The following PAX5 variants were observed in gnomAD, a reference collection of about 807,000 sequenced individuals.
PAX5 encodes the protein paired box protein Pax-5.
Under a neutral mutation model 43.7 loss-of-function variants are expected in PAX5, and 9 were observed. The observed-to-expected ratio is 0.21, with a 90% confidence interval of 0.12 to 0.36. The LOEUF is 0.36. Ranked by LOEUF, PAX5 falls within the 10% of genes least tolerant of loss-of-function variation. PAX5 has a pLI of 1.00. For synonymous variants in PAX5, 228 were observed against 214.3 expected, an observed-to-expected ratio of 1.06 and a Z score of -0.56; for missense variants, 383 against 532.7, an observed-to-expected ratio of 0.72 and a Z score of 2.77.
intron 7 of PAX5, among the ~76,000 whole-genome samples, chr9:36,886,304 C>T (rs1826903325): frequency 6.6e-6 from 1 of 152,238 alleles, no homozygotes; most frequent in African/African-American, 2.4e-5. Flanking sequence ...CTGTTCTCTA[C>T]TTAAAAGCTT....
At chr9:36,843,862 C>T (rs1036376142) in intron 9 of PAX5, among the ~76,000 whole-genome samples, 3 of 152,180 alleles carry the variant, frequency 2.0e-5, no homozygotes, top group African/African-American at 2.4e-5. Flanking sequence ...GCTTCTGGTG[C>T]CCAGTTCCAA....
intron 8 of PAX5, among the ~76,000 whole-genome samples, chr9:36,858,853 C>T (rs1434523693): frequency 6.6e-6 from 1 of 152,192 alleles, no homozygotes; most frequent in Non-Finnish European, 1.5e-5. Context: ...CCTGGCTCTG[C>T]TGGGCTCAGC....
Position 36,929,173 on chromosome 9 carries a change from G to T in PAX5, c.781-5689C>A, listed in dbSNP as rs565149617. Among the ~76,000 whole-genome samples, 10 of 151,978 alleles carry T rather than the reference G, an allele frequency of 6.6e-5. No individual in the cohort carries two copies. In the East Asian group the frequency reaches 1.9e-3, roughly 29 times the overall value. On this transcript the variant is annotated intron_variant, in intron 6 of 9. Coordinates refer to ENST00000358127, the MANE Select transcript of PAX5 (RefSeq NM_016734.3). The stretch of plus-strand genomic sequence containing the variant: ...CCTCAAGTTCTTTGTGAAAGTGAAG[G>T]CTGGGAAAGGTGAACTGACAGAAAA...
chr9:36,835,673 C>T lies in PAX5; in HGVS notation c.*4887G>A, dbSNP rs748421686. ...TACCTTTTAAGAAATGTACTTGCCT[C>T]GGACCTCTCCGAGGCCAAAAGAACG... On this transcript the variant is annotated 3_prime_UTR_variant, in exon 10 of 10. Coordinates refer to ENST00000358127, the MANE Select transcript of PAX5 (RefSeq NM_016734.3). 6 of 233,180 alleles carry T rather than the reference C, an allele frequency of 2.6e-5. No individual in the cohort carries two copies. Among genetic ancestry groups the T allele is most frequent in the Non-Finnish European group, 5.1e-5 (6 of 118,064 alleles). The allele number at this position is 233,180 out of a possible 1,614,324, so 14.4% of individuals were successfully genotyped here.
intron 8 of PAX5, among the ~76,000 whole-genome samples, chr9:36,864,588 C>A (rs1824633930): frequency 6.6e-6 from 1 of 152,250 alleles, no homozygotes; most frequent in African/African-American, 2.4e-5. Context: ...TCCACCCTCA[C>A]CTGCCCCCAT....
At chr9:37,018,570 C>CAAAAAAAAAAAAAAAAA (rs1222049885) in intron 2 of PAX5, among the ~76,000 whole-genome samples, 2 of 71,004 alleles carry the variant, frequency 2.8e-5, no homozygotes, top group African/African-American at 4.3e-5. Flanking sequence ...CTTCAGTGAC[C>CAAAAAAAAAAAAAAAAA]AAAAAAAAAA....
chr9:36,963,054 G>A (rs1002826285), intron 6 of PAX5, among the ~76,000 whole-genome samples: 1 of 152,216 alleles, frequency 6.6e-6, no homozygotes. Flanking sequence ...ATTGGGAATC[G>A]GGCACGAGGG....
intron 7 of PAX5, among the ~76,000 whole-genome samples, chr9:36,911,769 C>T (rs565014817): frequency 6.6e-6 from 1 of 152,210 alleles, no homozygotes; most frequent in Admixed American, 6.5e-5. Context: ...TGCCTGGCAC[C>T]CCGCCAGAGG....
chr9:37,024,975 C>T (rs925859362), intron 1 of PAX5, among the ~76,000 whole-genome samples: 9 of 152,354 alleles, frequency 5.9e-5, no homozygotes, highest in East Asian at 5.8e-4. Context: ...GGCTTGCTCA[C>T]CTCTCAGAGC....
intron 6 of PAX5, among the ~76,000 whole-genome samples, chr9:36,959,136 G>A (rs925588254): frequency 2.0e-5 from 3 of 152,182 alleles, no homozygotes; most frequent in African/African-American, 7.2e-5. Context: ...GCCCCTTCCG[G>A]TGCTTCAGTG....
chr9:36,837,695 T>A lies in PAX5; in HGVS notation c.*2865A>T, dbSNP rs941981385. 29 of 233,258 alleles carry A rather than the reference T, an allele frequency of 1.2e-4. No homozygotes were observed. The highest frequency in any genetic ancestry group is 6.0e-4 in the African/African-American group (27 of 45,360). The allele number at this position is 233,258 out of a possible 1,614,324, so 14.4% of individuals were successfully genotyped here. A position where few individuals can be genotyped will look rare whatever the true frequency, so the allele number is the denominator to read the frequency against. ...ATCCATGTGCGCTTGTGCTTCCGCC[T>A]GGCAGCCCAGGAGTCAAGTGGTTGT... On this transcript the variant is annotated 3_prime_UTR_variant, in exon 10 of 10. Coordinates refer to ENST00000358127, the MANE Select transcript of PAX5 (RefSeq NM_016734.3).
chr9:37,022,243 G>C (rs1839914861), intron 1 of PAX5, among the ~76,000 whole-genome samples: 1 of 152,176 alleles, frequency 6.6e-6, no homozygotes, highest in Non-Finnish European at 1.5e-5. Flanking sequence ...TTTTCAAAAT[G>C]ATCTTTATTC....
chr9:37,027,404 G>A (rs1323992377), intron 1 of PAX5, among the ~76,000 whole-genome samples: 1 of 152,206 alleles, frequency 6.6e-6, no homozygotes, highest in Non-Finnish European at 1.5e-5. Flanking sequence ...TCTACCTCGT[G>A]CCAACCAACT....
rs7852624 is a variant in PAX5 at position 37,003,078 on chromosome 9, A to G, written c.476-302T>C. 0.23 allele frequency among the ~76,000 whole-genome samples: 33,769 copies of G among 149,384 alleles called. 3,906 individuals carry two copies. Among genetic ancestry groups the G allele is most frequent in the Admixed American group, 0.26 (3,865 of 14,862 alleles). ...CAGGAAGGGCTTTCGCTTAAATTCCAGCCTATCCATGGATGCAGGAAGCAG... is the reference window on the plus strand; with the variant it reads ...CAGGAAGGGCTTTCGCTTAAATTCCGGCCTATCCATGGATGCAGGAAGCAG... On this transcript the variant is annotated intron_variant, in intron 4 of 9. Transcript: ENST00000358127.
intron 9 of PAX5, among the ~76,000 whole-genome samples, chr9:36,842,031 C>G (rs1030767025): frequency 4.6e-5 from 7 of 152,158 alleles, no homozygotes; most frequent in Non-Finnish European, 2.9e-5. Flanking sequence ...ATGTGCTGCT[C>G]CCTCCCCATC....
intron 6 of PAX5, among the ~76,000 whole-genome samples, chr9:36,939,473 A>G (rs1257754604): frequency 3.9e-5 from 6 of 152,158 alleles, no homozygotes; most frequent in Non-Finnish European, 7.3e-5. Flanking sequence ...GTCTCTTTCC[A>G]GCCTCCTAAA....
At chr9:36,989,203 C>T (rs1836721131) in intron 5 of PAX5, among the ~76,000 whole-genome samples, 1 of 152,204 alleles carries the variant, frequency 6.6e-6, no homozygotes, top group South Asian at 2.1e-4. Flanking sequence ...AATGGGGGAA[C>T]AGGCAGAACT....
Position 36,837,986 on chromosome 9 carries a change from G to A in PAX5, c.*2574C>T, listed in dbSNP as rs12552392. On this transcript the variant is annotated 3_prime_UTR_variant, in exon 10 of 10. Coordinates refer to ENST00000358127, the MANE Select transcript of PAX5 (RefSeq NM_016734.3). ...ATCATTCCAAAAGAAGGGTGACAGG[G>A]GGCAGAGGCTCAAGAAGTCTGTGCT... 56,850 of 233,090 alleles carry A rather than the reference G, an allele frequency of 0.24. 8,107 individuals are homozygous for A. Among genetic ancestry groups the A allele is most frequent in the East Asian group, 0.3 (4,965 of 16,566 alleles). 14.4% of individuals were successfully genotyped at this position (233,090 alleles called of 1,614,324 possible).
rs1011512007 is a variant in PAX5, at chr9:36,965,840, A to T, written c.780+709T>A. Among the ~76,000 whole-genome samples, 14 of 152,166 alleles carry T rather than the reference A, an allele frequency of 9.2e-5. 1 individual carries two copies. In the South Asian group the frequency reaches 1.9e-3, roughly 20 times the overall value. ...TGGGTGTCAGGAAATAGTCTTATGAACTGAATCTGATAGTCCAGAGATCTT... is the reference window on the plus strand; with the variant it reads ...TGGGTGTCAGGAAATAGTCTTATGATCTGAATCTGATAGTCCAGAGATCTT... On this transcript the variant is annotated intron_variant, in intron 6 of 9. Transcript: ENST00000358127.
Sources: gnomAD v4.1 joint callset for allele counts (sites outside exome capture counted in the v4.1 genomes callset) on GRCh38, gnomAD v4.1.1 for gene constraint, MANE v1.5 for transcripts, NCBI Gene and HGNC (gene_info 2026-07-23, HGNC 2026-07-21) for gene names.